The following KCTD16 variants were observed in gnomAD, a reference collection of about 807,000 sequenced individuals.
The protein encoded by KCTD16 is BTB/POZ domain-containing protein KCTD16.
KCTD16 carries 13 observed loss-of-function variants against 33.2 expected under a neutral mutation model. The ratio of observed to expected loss-of-function variants is 0.39; its 90% confidence interval spans 0.25 to 0.62. The LOEUF is 0.62. Among genes scored for constraint, KCTD16 ranks in the 20% least tolerant of loss-of-function variants. The pLI, the probability that KCTD16 is intolerant of heterozygous loss-of-function variation, is 0.50. For missense variants in KCTD16, 441 were observed against 525.1 expected (o/e 0.84, Z 1.57); for synonymous variants, 197 against 195.3 (o/e 1.01, Z -0.07).
chr5:144,207,154 A>T lies in KCTD16; in HGVS notation c.440A>T (p.Asp147Val). ...SDFEDASQGSDTRICPPSSLL... is the reference protein window; with the variant it reads ...SDFEDASQGSVTRICPPSSLL... Reference sequence around the variant, plus strand: ...TTTGAAGATGCCTCCCAAGGAAGCGACACAAGAATCTGCCCCCCTTCCTCC... The same window carrying T: ...TTTGAAGATGCCTCCCAAGGAAGCGTCACAAGAATCTGCCCCCCTTCCTCC... Residue 147 changes from aspartate (D) to valine (V), a missense_variant, in exon 3 of 4, where the codon GAC becomes GTC. This residue lies in a region of KCTD16 where 355 missense variants were observed against 413.0 expected (regional missense o/e 0.86). Transcript: ENST00000512467. 1 of 1,612,128 alleles carries T rather than the reference A, an allele frequency of 6.2e-7. No individual in the cohort carries two copies. The highest frequency in any genetic ancestry group is 8.5e-7 in the Non-Finnish European group (1 of 1,179,204).
intron 3 of KCTD16, among the ~76,000 whole-genome samples, chr5:144,425,009 A>G (rs1157054418): frequency 6.6e-6 from 1 of 152,080 alleles, no homozygotes; most frequent in Non-Finnish European, 1.5e-5. Context: ...TCAAGCATCA[A>G]CTCACAAGTC....
At chr5:144,253,402 T>C (rs1442660218) in intron 3 of KCTD16, among the ~76,000 whole-genome samples, 4 of 152,352 alleles carry the variant, frequency 2.6e-5, no homozygotes, top group African/African-American at 7.2e-5. Context: ...TATCACAGGC[T>C]ATGATGTTTC....
At chr5:144,389,476 G>A (rs184021896) in intron 3 of KCTD16, among the ~76,000 whole-genome samples, 25 of 152,006 alleles carry the variant, frequency 1.6e-4, no homozygotes, top group African/African-American at 5.8e-4. Flanking sequence ...CCTGATGATC[G>A]TCACTGTCTC....
chr5:144,257,496 T>C (rs993172754), intron 3 of KCTD16, among the ~76,000 whole-genome samples: 3 of 146,160 alleles, frequency 2.1e-5, no homozygotes, highest in African/African-American at 7.5e-5. Context: ...TCATAGTTTC[T>C]TTTTTTTTTT....
At chr5:144,302,798 T>A (rs989718314) in intron 3 of KCTD16, among the ~76,000 whole-genome samples, 6 of 152,222 alleles carry the variant, frequency 3.9e-5, no homozygotes, top group African/African-American at 1.4e-4. Context: ...CACAGTTGTA[T>A]GTGATGAAAA....
intron 3 of KCTD16, among the ~76,000 whole-genome samples, chr5:144,243,378 G>C (rs545797715): frequency 2.4e-4 from 36 of 152,242 alleles, no homozygotes; most frequent in African/African-American, 7.2e-4. Context: ...TCCTCCTCAA[G>C]GGGAGAATAT....
intron 3 of KCTD16, among the ~76,000 whole-genome samples, chr5:144,272,075 C>T (rs1388910256): frequency 6.6e-6 from 1 of 151,878 alleles, no homozygotes; most frequent in Non-Finnish European, 1.5e-5. Context: ...ATTAAGATGC[C>T]AATATTACTC....
At chr5:144,269,464 A>C (rs928699425) in intron 3 of KCTD16, among the ~76,000 whole-genome samples, 1 of 152,104 alleles carries the variant, frequency 6.6e-6, no homozygotes, top group African/African-American at 2.4e-5. Flanking sequence ...AAAGAAAAAA[A>C]TCAACAAATA....
intron 3 of KCTD16, among the ~76,000 whole-genome samples, chr5:144,217,474 A>G (rs1399284771): frequency 6.6e-6 from 1 of 152,210 alleles, no homozygotes; most frequent in Non-Finnish European, 1.5e-5. Flanking sequence ...GGCTTTTCTG[A>G]ATAGATGCTC....
Position 144,478,979 on chromosome 5 carries a change from T to C in KCTD16, c.*4865T>C, listed in dbSNP as rs1754650173. On this transcript the variant is annotated 3_prime_UTR_variant, in exon 4 of 4. Transcript: ENST00000512467. The stretch of plus-strand genomic sequence containing the variant: ...AAGCCTGCATTATTATAGTCTTAGC[T>C]CTGGGTAGATGGGAGCATATCTCTG... 6.6e-6 allele frequency: 1 copy of C among 151,954 alleles called. No individual in the cohort carries two copies. Among genetic ancestry groups the C allele is most frequent in the Admixed American group, 6.6e-5 (1 of 15,236 alleles). 9.4% of individuals were successfully genotyped at this position (151,954 alleles called of 1,614,324 possible).
intron 3 of KCTD16, among the ~76,000 whole-genome samples, chr5:144,307,346 T>C (rs1244971576): frequency 1.3e-5 from 2 of 152,176 alleles, no homozygotes; most frequent in Admixed American, 1.3e-4. Flanking sequence ...ATTATCATCA[T>C]TAAAAGTGTT....
intron 3 of KCTD16, among the ~76,000 whole-genome samples, chr5:144,418,415 G>T (rs1365779728): frequency 6.6e-6 from 1 of 152,104 alleles, no homozygotes; most frequent in African/African-American, 2.4e-5. Flanking sequence ...ACAGAGTGCT[G>T]ATTGGTCCGT....
chr5:144,183,614 A>G (rs1377722179), intron 2 of KCTD16, among the ~76,000 whole-genome samples: 1 of 152,204 alleles, frequency 6.6e-6, no homozygotes, highest in Non-Finnish European at 1.5e-5. Flanking sequence ...ACTAAGCCCC[A>G]GAAAACTCGC....
intron 3 of KCTD16, among the ~76,000 whole-genome samples, chr5:144,245,716 A>G (rs1754530959): frequency 6.6e-6 from 1 of 152,084 alleles, no homozygotes; most frequent in South Asian, 2.1e-4. Context: ...GTGAGTTCTC[A>G]TGACATCTGG....
At chr5:144,323,865 A>G (rs748815456) in intron 3 of KCTD16, among the ~76,000 whole-genome samples, 2 of 152,192 alleles carry the variant, frequency 1.3e-5, no homozygotes, top group African/African-American at 4.8e-5. Flanking sequence ...CTGTGTGACT[A>G]TAAACAGATC....
At chr5:144,172,743 T>C (rs182925939) in intron 1 of KCTD16, among the ~76,000 whole-genome samples, 1 of 152,212 alleles carries the variant, frequency 6.6e-6, no homozygotes, top group East Asian at 1.9e-4. Context: ...AATATCCTAA[T>C]TCAGTTGATA....
At chr5:144,260,432 A>C (rs896020019) in intron 3 of KCTD16, among the ~76,000 whole-genome samples, 2 of 152,210 alleles carry the variant, frequency 1.3e-5, no homozygotes, top group Non-Finnish European at 2.9e-5. Context: ...TGATGGAGAA[A>C]GAACACCAAG....
At chr5:144,188,858 G>T (rs932455736) in intron 2 of KCTD16, among the ~76,000 whole-genome samples, 3 of 152,152 alleles carry the variant, frequency 2.0e-5, no homozygotes, top group African/African-American at 7.2e-5. Context: ...TCAATACTGA[G>T]TGAACAGCTT....
intron 3 of KCTD16, among the ~76,000 whole-genome samples, chr5:144,315,715 G>A (rs191148288): frequency 6.6e-6 from 1 of 152,116 alleles, no homozygotes; most frequent in African/African-American, 2.4e-5. Flanking sequence ...TGCCATGCAG[G>A]TAGTAAGTAG....
Sources: gnomAD v4.1 joint callset for allele counts (sites outside exome capture counted in the v4.1 genomes callset) on GRCh38, gnomAD v4.1.1 for gene constraint, gnomAD v4.1.1 regional missense constraint, MANE v1.5 for transcripts, NCBI Gene and HGNC (gene_info 2026-07-23, HGNC 2026-07-21) for gene names.